The following PTPRZ1 variants were observed in gnomAD, a reference collection of about 807,000 sequenced individuals.
The protein encoded by PTPRZ1 is protein tyrosine phosphatase receptor type Z1.
In PTPRZ1, 82 loss-of-function variants were observed where a neutral mutation model predicts 214.1. The observed-to-expected ratio is 0.38, with a 90% CI of 0.32 to 0.46. The LOEUF is 0.46. Ranked by LOEUF, PTPRZ1 falls within the 20% of genes least tolerant of loss-of-function variation. The probability of loss-of-function intolerance (pLI) is 1.00; values close to 1 mark genes in which losing one functional copy is unlikely to be tolerated. For missense variants in PTPRZ1, 2,603 were observed against 2,748.7 expected (o/e 0.95, Z 1.19); for synonymous variants, 945 against 987.9 (o/e 0.96, Z 0.81).
Position 122,003,500 on chromosome 7 carries a change from T to C in PTPRZ1, c.1241-1114T>C, listed in dbSNP as rs1046883668. ...TAAAAAATAAACGCAAGAAACTTTG[T>C]ATTGGAAAACAGACCTGGGTATGAT... On this transcript the variant is annotated intron_variant, in intron 10 of 29. Transcript: ENST00000393386. Among the ~76,000 whole-genome samples, 5 of 152,180 alleles carry C rather than the reference T, an allele frequency of 3.3e-5. No homozygotes were observed. The South Asian group carries it at 1.0e-3, about 31-fold the overall frequency.
intron 4 of PTPRZ1, among the ~76,000 whole-genome samples, chr7:121,973,949 A>AAG (rs1797345936): frequency 1.3e-5 from 2 of 150,632 alleles, no homozygotes; most frequent in African/African-American, 4.9e-5. Flanking sequence ...AGAAAAAAAA[A>AAG]AAAAAAAAAA....
In PTPRZ1 at chr7:122,061,532, A is replaced by C. The variant is rs557616119; in HGVS notation, c.*312A>C. 44 of 173,364 alleles carry C rather than the reference A, an allele frequency of 2.5e-4. No individual in the cohort carries two copies. Among genetic ancestry groups the C allele is most frequent in the African/African-American group, 8.7e-4 (37 of 42,426 alleles). 10.7% of individuals were successfully genotyped at this position (173,364 alleles called of 1,614,324 possible). Reference sequence around the variant, plus strand: ...TTATAGAGGTTAGGAATTCCAAACTACAGAAAATGTTTGTTTTTAGTGTCA... The same window carrying C: ...TTATAGAGGTTAGGAATTCCAAACTCCAGAAAATGTTTGTTTTTAGTGTCA... On this transcript the variant is annotated 3_prime_UTR_variant, in exon 30 of 30. Transcript: ENST00000393386.
At chr7:121,904,169 C>T (rs1041095054) in intron 1 of PTPRZ1, among the ~76,000 whole-genome samples, 2 of 152,154 alleles carry the variant, frequency 1.3e-5, no homozygotes, top group African/African-American at 4.8e-5. Flanking sequence ...GTTGGTTGGA[C>T]ATGTGCTTAG....
chr7:121,920,216 G>A (rs990908811), intron 1 of PTPRZ1, among the ~76,000 whole-genome samples: 1 of 152,042 alleles, frequency 6.6e-6, no homozygotes, highest in African/African-American at 2.4e-5. Context: ...ATCAGAAAGG[G>A]GCACAGCAGA....
At chr7:122,027,575 A>G (rs1799239226) in intron 13 of PTPRZ1, among the ~76,000 whole-genome samples, 1 of 152,202 alleles carries the variant, frequency 6.6e-6, no homozygotes. Context: ...AGTCAAACAG[A>G]ATTCAAGTGT....
At chr7:121,906,313 G>A (rs1795113748) in intron 1 of PTPRZ1, among the ~76,000 whole-genome samples, 1 of 152,064 alleles carries the variant, frequency 6.6e-6, no homozygotes, top group South Asian at 2.1e-4. Context: ...TTAGATTTAA[G>A]GAGGCATGTG....
intron 2 of PTPRZ1, among the ~76,000 whole-genome samples, chr7:121,934,420 C>T (rs1796011465): frequency 7.6e-6 from 1 of 132,214 alleles, no homozygotes; most frequent in East Asian, 2.4e-4. Flanking sequence ...CTCTGCATTT[C>T]GAGCTTGCAG....
At chr7:121,968,634 C>CTT (rs543980301) in intron 3 of PTPRZ1, among the ~76,000 whole-genome samples, 2 of 129,658 alleles carry the variant, frequency 1.5e-5, no homozygotes, top group Non-Finnish European at 3.4e-5. Flanking sequence ...TTGAGCCTAT[C>CTT]TTTTTTTTTT....
At chr7:121,970,108 A>G (rs1283423025) in intron 3 of PTPRZ1, among the ~76,000 whole-genome samples, 1 of 151,850 alleles carries the variant, frequency 6.6e-6, no homozygotes, top group Non-Finnish European at 1.5e-5. Context: ...AGCTTCATCC[A>G]TGTCCCTACA....
At position 122,040,907 on chromosome 7, in the gene PTPRZ1, C is replaced by A; in HGVS notation, c.5729C>A (p.Pro1910Gln). The A allele has an allele frequency of 6.9e-6, 11 of 1,605,394 alleles. No individual in the cohort carries two copies. The highest frequency in any genetic ancestry group is 9.4e-6 in the Non-Finnish European group (11 of 1,173,408). The part of the protein sequence containing the change: ...PDMGVPEYSL[P>Q]VLTFVRKAAY... ...ATGGGAGTACCAGAGTACTCCCTGC[C>A]AGTGCTGACCTTTGTGAGAAAGGCA... Residue 1910 changes from proline to glutamine, a missense_variant, in exon 21 of 30, where the codon CCA becomes CAA. Pro to Gln is a moderately conservative substitution (Grantham distance 76, BLOSUM62 -1). Transcript: ENST00000393386.
chr7:121,938,938 T>C (rs1447711119), intron 2 of PTPRZ1, among the ~76,000 whole-genome samples: 2 of 152,200 alleles, frequency 1.3e-5, no homozygotes, highest in African/African-American at 4.8e-5. Flanking sequence ...AATATCTTTC[T>C]AAGTAAATGT....
intron 1 of PTPRZ1, among the ~76,000 whole-genome samples, chr7:121,896,617 C>T (rs1794791131): frequency 6.6e-6 from 1 of 151,930 alleles, no homozygotes; most frequent in South Asian, 2.1e-4. Context: ...ACTAAAAATA[C>T]AAAAAATTAG....
intron 8 of PTPRZ1, among the ~76,000 whole-genome samples, chr7:121,990,510 G>C (rs1797920577): frequency 8.6e-6 from 1 of 115,826 alleles, no homozygotes; most frequent in Non-Finnish European, 1.8e-5. Flanking sequence ...AGTGAAAACT[G>C]TCTTTTTTTT....
chr7:122,030,405 A>G (rs1562872169), intron 14 of PTPRZ1, among the ~76,000 whole-genome samples: 1 of 152,082 alleles, frequency 6.6e-6, no homozygotes, highest in African/African-American at 2.4e-5. Flanking sequence ...GACATTTACT[A>G]GGACTAATGA....
intron 1 of PTPRZ1, among the ~76,000 whole-genome samples, chr7:121,895,079 G>A (rs1320200406): frequency 1.3e-5 from 2 of 152,130 alleles, no homozygotes. Context: ...TATATCTTTT[G>A]ATCAACAATC....
chr7:121,907,572 A>G (rs1795153470), intron 1 of PTPRZ1, among the ~76,000 whole-genome samples: 1 of 152,050 alleles, frequency 6.6e-6, no homozygotes, highest in African/African-American at 2.4e-5. Context: ...GATTAAGAGA[A>G]TATTTTAAAT....
In PTPRZ1 at chr7:122,055,037, T is replaced by C; in HGVS notation, c.6478T>C (p.Ser2160Pro). 1 of 1,602,684 alleles carries C rather than the reference T, an allele frequency of 6.2e-7. No homozygotes were observed. Among genetic ancestry groups the C allele is most frequent in the South Asian group, 1.1e-5 (1 of 90,326 alleles). Residue 2160 changes from serine (S) to proline (P), a missense_variant, in exon 27 of 30, where the codon TCT becomes CCT. Around this residue, in one of 6 missense-constraint regions of PTPRZ1, gnomAD observed 134 missense variants for 183.3 expected, o/e 0.73. Coordinates refer to ENST00000393386, the MANE Select transcript of PTPRZ1 (RefSeq NM_002851.3). Reference protein sequence around the residue: ...TLMAEEHKCLSNEEKLIIQDF... With the variant: ...TLMAEEHKCLPNEEKLIIQDF... ...TATGGCTGAAGAACACAAATGTCTA[T>C]CTAATGAGGAAAAACTTATAATTCA...
chr7:121,991,020 A>G (rs1393772964), intron 8 of PTPRZ1, among the ~76,000 whole-genome samples: 1 of 152,194 alleles, frequency 6.6e-6, no homozygotes, highest in Non-Finnish European at 1.5e-5. Context: ...ACAGGGGGGA[A>G]AATCAGACCT....
At chr7:121,921,420 A>T (rs1045568474) in intron 1 of PTPRZ1, among the ~76,000 whole-genome samples, 1 of 152,186 alleles carries the variant, frequency 6.6e-6, no homozygotes, top group Non-Finnish European at 1.5e-5. Context: ...CACTACCAAA[A>T]TAAGCATATG....
Sources: allele counts gnomAD v4.1 joint callset (sites outside exome capture counted in the v4.1 genomes callset), GRCh38; gene constraint gnomAD v4.1.1; regional missense constraint gnomAD v4.1.1; transcripts MANE v1.5; gene names NCBI Gene and HGNC (gene_info 2026-07-23, HGNC 2026-07-21).